RAB10: variants seen among roughly 807,000 people sequenced by gnomAD.
RAB10 encodes RAB10, member RAS oncogene family, also known as ras-related protein Rab-10.
Under a neutral mutation model 25.7 loss-of-function variants are expected in RAB10, and 5 were observed. The observed-to-expected ratio is 0.19, with a 90% confidence interval of 0.10 to 0.41. The LOEUF (loss-of-function observed/expected upper bound fraction) is 0.41. RAB10 is among the 10% of genes least tolerant of loss of function. RAB10 has a pLI of 1.00. For synonymous variants in RAB10, 89 were observed against 86.4 expected (o/e 1.03, Z -0.16); for missense variants, 103 against 245.8 (o/e 0.42, Z 3.89).
chr2:26,053,413 C>G (rs1666176181), intron 1 of RAB10, among the ~76,000 whole-genome samples: 2 of 152,122 alleles, frequency 1.3e-5, no homozygotes, highest in Non-Finnish European at 2.9e-5. Context: ...GCTTTTTGAA[C>G]AAAGTAGAAC....
Position 26,069,036 on chromosome 2 carries a change from C to T in RAB10, c.128-29626C>T, listed in dbSNP as rs1553725478. ...TCTTAAGCTTTTCTGTAATCTCTCA[C>T]ATATATATTCTTAATTTCAACTGAT... On this transcript the variant is annotated intron_variant, in intron 1 of 5. Coordinates refer to ENST00000264710, the MANE Select transcript of RAB10 (RefSeq NM_016131.5). Among the ~76,000 whole-genome samples the T allele has an allele frequency of 2.0e-5, 3 of 152,150 alleles. 1 individual carries two copies. Among genetic ancestry groups the T allele is most frequent in the Non-Finnish European group, 4.4e-5 (3 of 68,030 alleles).
chr2:26,092,820 C>T (rs981638240), intron 1 of RAB10, among the ~76,000 whole-genome samples: 10 of 151,974 alleles, frequency 6.6e-5, no homozygotes, highest in African/African-American at 1.7e-4. Context: ...TCTAGACAGC[C>T]GGGTCATTTT....
rs1491126561 is a variant in RAB10 at position 26,088,214 on chromosome 2, A to AG, written c.128-10447dup. Reference sequence around the variant, plus strand: ...AGAAGCCAAGCTCTGGAAAACTGATAGAGTGGCTAGAGGTTGCAGTTACTC... The same window carrying AG: ...AGAAGCCAAGCTCTGGAAAACTGATAGGAGTGGCTAGAGGTTGCAGTTACTC... On this transcript the variant is annotated intron_variant, in intron 1 of 5. Coordinates refer to ENST00000264710, the MANE Select transcript of RAB10 (RefSeq NM_016131.5). 2.6e-5 allele frequency among the ~76,000 whole-genome samples: 4 copies of AG among 152,150 alleles called. No homozygotes were observed. The East Asian group carries it at 7.7e-4, about 29-fold the overall frequency.
chr2:26,085,526 C>G (rs1666958262), intron 1 of RAB10, among the ~76,000 whole-genome samples: 1 of 151,328 alleles, frequency 6.6e-6, no homozygotes, highest in Non-Finnish European at 1.5e-5. Flanking sequence ...AAAGACAGCA[C>G]TTTCAGGTCA....
intron 1 of RAB10, among the ~76,000 whole-genome samples, chr2:26,051,177 TC>T (rs1666124648): frequency 6.6e-6 from 1 of 152,138 alleles, no homozygotes; most frequent in South Asian, 2.1e-4. Context: ...GCTCAATTGA[TC>T]CTCCTACCTT....
chr2:26,104,168 A>G (rs997000259), intron 2 of RAB10, among the ~76,000 whole-genome samples: 1 of 152,220 alleles, frequency 6.6e-6, no homozygotes, highest in African/African-American at 2.4e-5. Flanking sequence ...ACTGTTTTCT[A>G]ACATGGCTGC....
chr2:26,085,900 G>A (rs1339925351), intron 1 of RAB10, among the ~76,000 whole-genome samples: 1 of 149,484 alleles, frequency 6.7e-6, no homozygotes, highest in Non-Finnish European at 1.5e-5. Flanking sequence ...TTGGGAGGCT[G>A]AGATAGGAGA....
rs569137102 is a variant in RAB10 at position 26,056,275 on chromosome 2, T to C, written c.127+21540T>C. Among the ~76,000 whole-genome samples the C allele has an allele frequency of 4.6e-5, 7 of 152,258 alleles. No homozygotes were observed. In the South Asian group the frequency reaches 1.4e-3, roughly 32 times the overall value. ...GTGCAGTGGCGTGATCTCGGCTCAC[T>C]GCAACCTGCGCCTCCCGGGTTCAGG... is the stretch of plus-strand genomic sequence containing the variant. On this transcript the variant is annotated intron_variant, in intron 1 of 5. Coordinates refer to ENST00000264710, the MANE Select transcript of RAB10 (RefSeq NM_016131.5).
chr2:26,059,073 A>G (rs1227590587), intron 1 of RAB10, among the ~76,000 whole-genome samples: 1 of 152,206 alleles, frequency 6.6e-6, no homozygotes, highest in Non-Finnish European at 1.5e-5. Context: ...TAAATCATAG[A>G]CCACATTTAA....
intron 1 of RAB10, among the ~76,000 whole-genome samples, chr2:26,057,177 A>T (rs1378813815): frequency 6.6e-6 from 1 of 152,160 alleles, no homozygotes; most frequent in Non-Finnish European, 1.5e-5. Flanking sequence ...TTTGTATGTT[A>T]TGTCTGGGAG....
chr2:26,060,534 C>T (rs1365298210), intron 1 of RAB10, among the ~76,000 whole-genome samples: 1 of 152,096 alleles, frequency 6.6e-6, no homozygotes, highest in African/African-American at 2.4e-5. Flanking sequence ...GTGATCTGCC[C>T]GCCTCGGCCT....
intron 3 of RAB10, among the ~76,000 whole-genome samples, chr2:26,121,466 G>A (rs1667801952): frequency 6.6e-6 from 1 of 152,098 alleles, no homozygotes; most frequent in South Asian, 2.1e-4. Flanking sequence ...TTACAGGTGT[G>A]TGCCACCACA....
intron 2 of RAB10, among the ~76,000 whole-genome samples, chr2:26,105,999 GT>G (rs920124749): frequency 1.3e-5 from 2 of 152,182 alleles, no homozygotes; most frequent in African/African-American, 4.8e-5. Flanking sequence ...TGATGACATA[GT>G]CTAATGATGC....
intron 1 of RAB10, among the ~76,000 whole-genome samples, chr2:26,049,937 A>T (rs1474753223): frequency 1.3e-5 from 2 of 152,096 alleles, no homozygotes; most frequent in African/African-American, 4.8e-5. Flanking sequence ...ACCAGATAAT[A>T]ATCTTTTGGT....
intron 5 of RAB10, 146 bp downstream of exon 5, chr2:26,128,097 C>G: frequency 1.4e-6 from 1 of 708,308 alleles, no homozygotes; most frequent in Non-Finnish European, 2.4e-6. Context: ...TTTTTGGCAC[C>G]AAGGACTGGT....
chr2:26,087,394 C>T (rs543776227), intron 1 of RAB10, among the ~76,000 whole-genome samples: 1 of 152,258 alleles, frequency 6.6e-6, no homozygotes, highest in Admixed American at 6.5e-5. Flanking sequence ...GCTGCTGCTG[C>T]TGCTGTTGTT....
chr2:26,124,243 A>G lies in RAB10; in HGVS notation c.328-2901A>G, dbSNP rs143009449. The stretch of plus-strand genomic sequence containing the variant: ...TTATACATGGTATACCCTTACCCCC[A>G]TTGTTCAAGGGTCAACTGTATGTTG... On this transcript the variant is annotated intron_variant, in intron 3 of 5. Transcript: ENST00000264710. Among the ~76,000 whole-genome samples the G allele has an allele frequency of 6.7e-4, 101 of 151,420 alleles. 1 individual carries two copies. Among genetic ancestry groups the G allele is most frequent in the African/African-American group, 2.3e-3 (96 of 41,322 alleles).
intron 3 of RAB10, among the ~76,000 whole-genome samples, chr2:26,116,961 T>TG (rs1199521123): frequency 2.0e-5 from 3 of 152,054 alleles, no homozygotes; most frequent in African/African-American, 7.2e-5. Flanking sequence ...TGTGCCACTG[T>TG]GCCACTCTTT....
At chr2:26,110,338 C>CAAA (rs11403502) in intron 3 of RAB10, among the ~76,000 whole-genome samples, 139 of 123,686 alleles carry the variant, frequency 1.1e-3, no homozygotes, top group African/African-American at 4.0e-3. Context: ...ACTCCGTCTC[C>CAAA]AAAAAAAAAA....
Sources: gnomAD v4.1 joint callset for allele counts (sites outside exome capture counted in the v4.1 genomes callset) on GRCh38, gnomAD v4.1.1 for gene constraint, MANE v1.5 for transcripts, NCBI Gene and HGNC (gene_info 2026-07-23, HGNC 2026-07-21) for gene names.